Variants in ATXN2L observed in about 807,000 individuals in gnomAD.
ATXN2L encodes ataxin-2-like protein.
Under a neutral mutation model 120.7 loss-of-function variants are expected in ATXN2L, and 24 were observed. The ratio of observed to expected loss-of-function variants is 0.20; its 90% CI spans 0.14 to 0.28. The LOEUF (loss-of-function observed/expected upper bound fraction) is 0.28, where lower values mean the gene tolerates loss of function less well. Among genes scored for constraint, ATXN2L ranks in the 10% least tolerant of loss-of-function variants. The pLI, the probability that ATXN2L is intolerant of heterozygous loss-of-function variation, is 1.00. For synonymous variants in ATXN2L, 653 were observed against 568.1 expected (o/e 1.15, Z -2.13); for missense variants, 1,312 against 1,432.3 (o/e 0.92, Z 1.36).
intron 8 of ATXN2L, 23 bp from the exon 9 acceptor site, chr16:28,830,592 C>T (rs377658635): frequency 1.3e-6 from 2 of 1,534,408 alleles, no homozygotes; most frequent in Admixed American, 2.2e-5. Flanking sequence ...GGCTACCTGG[C>T]CTTATTTGAA....
chr16:28,828,087 G>T lies in ATXN2L; in HGVS notation c.741+1101G>T, dbSNP rs1361748199. ...CACACACACGTGTACACAGCAAATT[G>T]TATTTGTCCTTTTCCTTAATCATCT... is the stretch of plus-strand genomic sequence containing the variant. On this transcript the variant is annotated intron_variant, in intron 6 of 21. Transcript: ENST00000336783. Among the ~76,000 whole-genome samples the T allele has an allele frequency of 5.9e-5, 9 of 152,138 alleles. No individual in the cohort carries two copies. The East Asian group carries it at 1.3e-3, about 23-fold the overall frequency.
chr16:28,825,811 T>C lies in ATXN2L; in HGVS notation c.435T>C (p.Tyr145=), dbSNP rs764945475. ...TAAAGGTGAAAAATGGTACCACTTA[T>C]GAGGGTATCTTCAAGACGCTAAGCT... The part of the protein sequence containing the change: ...CDVKVKNGTT[Y]EGIFKTLSSK... Residue 145 remains tyrosine (Y), a synonymous_variant, in exon 4 of 22, where the codon TAT becomes TAC. Coordinates refer to ENST00000336783, the MANE Select transcript of ATXN2L (RefSeq NM_007245.4). 8 of 1,614,088 alleles carry C rather than the reference T, an allele frequency of 5.0e-6. No individual in the cohort carries two copies. The highest frequency in any genetic ancestry group is 1.1e-5 in the South Asian group (1 of 91,082).
chr16:28,831,519 G>A (rs1280083378), intron 10 of ATXN2L, among the ~76,000 whole-genome samples: 5 of 151,966 alleles, frequency 3.3e-5, no homozygotes, highest in South Asian at 4.1e-4. Context: ...TAGTAGAAGC[G>A]GGGTTTTATT....
chr16:28,834,913 T>C (rs1959621634), intron 18 of ATXN2L, 145 bp from the exon 19 acceptor site: 9 of 1,224,550 alleles, frequency 7.3e-6, no homozygotes, highest in Non-Finnish European at 1.0e-5. Context: ...GAGAAAATAG[T>C]GTCTGCTGGG....
intron 15 of ATXN2L, 47 bp downstream of exon 15, chr16:28,833,555 T>C: frequency 1.3e-6 from 2 of 1,584,822 alleles, no homozygotes; most frequent in Non-Finnish European, 1.7e-6. Flanking sequence ...GTGGGGAGAC[T>C]TGGGCAGTGC....
intron 12 of ATXN2L, 77 bp from the exon 13 acceptor site, chr16:28,832,740 C>G (rs147225422): frequency 2.0e-6 from 3 of 1,494,744 alleles, no homozygotes; most frequent in Non-Finnish European, 2.8e-6. Flanking sequence ...TTCTTGTCCT[C>G]TGTTCTTTTG....
At position 28,829,393 on chromosome 16, in the gene ATXN2L, C is replaced by G. The variant is rs1381996493; in HGVS notation, c.742-8C>G. 2 of 1,603,800 alleles carry G rather than the reference C, an allele frequency of 1.2e-6. No individual in the cohort carries two copies. Among genetic ancestry groups the G allele is most frequent in the Non-Finnish European group, 1.7e-6 (2 of 1,170,802 alleles). ...CTGGGTTTTAAAACCACCTTCCTCC[C>G]TCCCCAGTCCAATGGATGGGACCCC... On this transcript the variant is annotated splice_polypyrimidine_tract_variant and splice_region_variant and intron_variant, in intron 6 of 21. Transcript: ENST00000336783.
At chr16:28,825,505 G>A in intron 2 of ATXN2L, 103 bp downstream of exon 2, 1 of 1,534,090 alleles carries the variant, frequency 6.5e-7, no homozygotes, top group Non-Finnish European at 9.0e-7. Context: ...ATGTACTCAG[G>A]AGGGCTGTGG....
chr16:28,836,547 G>GT lies in ATXN2L; in HGVS notation c.*283dup. ...GTGGGGGGCTGAGCTGGGCACATGA[G>GT]TGAGGGCTCTGGCTTACTGGGAAAC... On this transcript the variant is annotated 3_prime_UTR_variant, in exon 22 of 22. Coordinates refer to ENST00000336783, the MANE Select transcript of ATXN2L (RefSeq NM_007245.4). 2 of 1,580,562 alleles carry GT rather than the reference G, an allele frequency of 1.3e-6. No individual in the cohort carries two copies. Among genetic ancestry groups the GT allele is most frequent in the South Asian group, 1.1e-5 (1 of 87,190 alleles).
At chr16:28,832,081 A>C in intron 10 of ATXN2L, 124 bp from the exon 11 acceptor site, 21 of 1,026,446 alleles carry the variant, frequency 2.0e-5, no homozygotes, top group Non-Finnish European at 2.7e-5. Flanking sequence ...TTGAGCTTCT[A>C]GACATTTAAG....
chr16:28,832,926 G>A (rs1437950924), intron 13 of ATXN2L, 39 bp downstream of exon 13: 1 of 1,610,654 alleles, frequency 6.2e-7, no homozygotes, highest in South Asian at 1.1e-5. Flanking sequence ...CAGGGTAAAG[G>A]GGTTGGGAGT....
chr16:28,829,355 G>T (rs750393287), intron 6 of ATXN2L, 46 bp from the exon 7 acceptor site: 1 of 1,346,422 alleles, frequency 7.4e-7, no homozygotes, highest in Non-Finnish European at 1.1e-6. Flanking sequence ...GTGACTTGTC[G>T]TTGCTTTTCC....
In ATXN2L at chr16:28,833,241, A is replaced by G. The variant is rs773630342; in HGVS notation, c.1842A>G (p.Pro614=). The G allele has an allele frequency of 6.2e-7, 1 of 1,614,216 alleles. No homozygotes were observed. The highest frequency in any genetic ancestry group is 8.5e-7 in the Non-Finnish European group (1 of 1,180,042). ...AGGAGGACAAACCACCCCTGGCACC[A>G]TCAGGAGGCACTGAGGGGCCAGAGC... The part of the protein sequence containing the change: ...SDKEDKPPLA[P]SGGTEGPEQP... The change falls in exon 14 of 22, where the codon CCA becomes CCG. Residue 614 remains proline, a synonymous_variant. Coordinates refer to ENST00000336783, the MANE Select transcript of ATXN2L (RefSeq NM_007245.4).
chr16:28,824,721 C>T (rs775457746), intron 1 of ATXN2L: 192 of 536,934 alleles, frequency 3.6e-4, no homozygotes, highest in Non-Finnish European at 4.9e-4. Context: ...GCCCTCACAG[C>T]TGGCGTGGCT....
At chr16:28,832,786 T>C (rs1411498902) in intron 12 of ATXN2L, 31 bp from the exon 13 acceptor site, 2 of 1,607,326 alleles carry the variant, frequency 1.2e-6, no homozygotes, top group African/African-American at 1.3e-5. Flanking sequence ...GAATGTTTTG[T>C]ATTTTCTTCT....
At chr16:28,827,722 C>CG (rs1230536809) in intron 6 of ATXN2L, among the ~76,000 whole-genome samples, 1 of 152,096 alleles carries the variant, frequency 6.6e-6, no homozygotes. Flanking sequence ...GTCTGAGCGA[C>CG]AGTGAGGATG....
intron 15 of ATXN2L, 155 bp from the exon 16 acceptor site, chr16:28,833,910 A>G: frequency 1.2e-6 from 1 of 862,742 alleles, no homozygotes; most frequent in East Asian, 2.6e-5. Flanking sequence ...TAGAATACTC[A>G]TCTCCTCATA....
intron 10 of ATXN2L, 59 bp from the exon 11 acceptor site, chr16:28,832,146 C>G: frequency 6.3e-7 from 1 of 1,578,592 alleles, no homozygotes; most frequent in Non-Finnish European, 8.7e-7. Context: ...GAGTAAGGCC[C>G]TTGTACTCAC....
At chr16:28,829,613 C>G in intron 7 of ATXN2L, 121 bp downstream of exon 7, 2 of 803,142 alleles carry the variant, frequency 2.5e-6, no homozygotes, top group Non-Finnish European at 4.1e-6. Context: ...GGTCGCCATC[C>G]CTACTCCTAC....
Sources: gnomAD v4.1 joint callset for allele counts (sites outside exome capture counted in the v4.1 genomes callset) on GRCh38, gnomAD v4.1.1 for gene constraint, MANE v1.5 for transcripts, NCBI Gene and HGNC (gene_info 2026-07-23, HGNC 2026-07-21) for gene names.